Variants in DAB1 observed in about 807,000 individuals in gnomAD.
DAB1 encodes DAB adaptor protein 1.
A neutral mutation model predicts 64.6 loss-of-function variants in DAB1; 15 were observed. The observed-to-expected ratio is 0.23, with a 90% CI of 0.16 to 0.36. The LOEUF (loss-of-function observed/expected upper bound fraction) is 0.36. Ranked by LOEUF, DAB1 falls within the 10% of genes least tolerant of loss-of-function variation. The pLI, the probability that DAB1 is intolerant of heterozygous loss-of-function variation, is 1.00. For synonymous variants in DAB1, 235 were observed against 251.9 expected, an observed-to-expected ratio of 0.93 and a Z score of 0.64; for missense variants, 596 against 706.7, an observed-to-expected ratio of 0.84 and a Z score of 1.78.
At chr1:57,546,989 C>T (rs540296889) in intron 7 of DAB1, among the ~76,000 whole-genome samples, 9 of 151,534 alleles carry the variant, frequency 5.9e-5, no homozygotes, top group Admixed American at 3.3e-4. Context: ...GCATATTAAT[C>T]GTATTTTTTT....
chr1:57,511,271 C>T (rs1644402261), intron 7 of DAB1, among the ~76,000 whole-genome samples: 1 of 152,136 alleles, frequency 6.6e-6, no homozygotes, highest in African/African-American at 2.4e-5. Flanking sequence ...AAAACAAAAA[C>T]AAGCTTCTGT....
chr1:57,696,072 CTT>C (rs1342128059), intron 6 of DAB1, among the ~76,000 whole-genome samples: 1 of 152,156 alleles, frequency 6.6e-6, no homozygotes, highest in Non-Finnish European at 1.5e-5. Flanking sequence ...ACTCAGAAGT[CTT>C]TTTTTCCTCC....
At chr1:57,145,975 T>C (rs1345455489) in intron 2 of DAB1, among the ~76,000 whole-genome samples, 1 of 152,232 alleles carries the variant, frequency 6.6e-6, no homozygotes, top group Non-Finnish European at 1.5e-5. Flanking sequence ...ATGACATCTC[T>C]TCTGGTAAGT....
chr1:57,771,648 A>C (rs1027040521), intron 6 of DAB1, among the ~76,000 whole-genome samples: 3 of 152,104 alleles, frequency 2.0e-5, no homozygotes, highest in African/African-American at 7.2e-5. Flanking sequence ...ATGTTTTGGC[A>C]AATTCGTACA....
chr1:57,610,637 AACTT>A (rs780836005), intron 7 of DAB1, among the ~76,000 whole-genome samples: 2 of 152,208 alleles, frequency 1.3e-5, no homozygotes, highest in Non-Finnish European at 2.9e-5. Context: ...GGCCTCAGGA[AACTT>A]ACAATCATGG....
At chr1:57,349,307 T>G (rs778348156) in intron 1 of DAB1, among the ~76,000 whole-genome samples, 12 of 152,212 alleles carry the variant, frequency 7.9e-5, no homozygotes, top group Non-Finnish European at 1.3e-4. Flanking sequence ...CTCTTTAACC[T>G]TGCTTTTGTA....
rs926844844 is a variant in DAB1, at chr1:57,510,906, G to A, written n.625+138686C>T. Among the ~76,000 whole-genome samples the A allele has an allele frequency of 6.6e-5, 10 of 152,244 alleles. No homozygotes were observed. In the South Asian group the frequency reaches 1.2e-3, roughly 19 times the overall value. On this transcript the variant is annotated intron_variant and non_coding_transcript_variant, in intron 7 of 20. Coordinates refer to the DAB1 transcript ENST00000485760. ...CAATGCTCCTGCCTCAGCCTCCCAA[G>A]TAGCTGGGATTACAGGCATGAGCCA...
chr1:58,366,917 A>C (rs1644223055), intron 3 of DAB1, among the ~76,000 whole-genome samples: 1 of 152,218 alleles, frequency 6.6e-6, no homozygotes, highest in Non-Finnish European at 1.5e-5. Context: ...AGTACACATT[A>C]ATTGGTCATA....
chr1:57,945,543 G>T (rs1052104043), intron 5 of DAB1, among the ~76,000 whole-genome samples: 5 of 151,822 alleles, frequency 3.3e-5, no homozygotes, highest in African/African-American at 9.7e-5. Flanking sequence ...GCTTCCCAAA[G>T]TGCTGAAATT....
At position 57,934,855 on chromosome 1, in the gene DAB1, G is replaced by A. The variant is rs538467090; in HGVS notation, n.388-50693C>T. On this transcript the variant is annotated intron_variant and non_coding_transcript_variant, in intron 5 of 20. Transcript: ENST00000485760. ...TCAAGACTCTTTAAAGTTTCCTTCT[G>A]AGCGAACTGTAAGACAGAGGTACGA... 5.0e-4 allele frequency among the ~76,000 whole-genome samples: 76 copies of A among 152,288 alleles called. 1 individual carries two copies. The highest frequency in any genetic ancestry group is 1.8e-3 in the African/African-American group (73 of 41,550).
rs144046996 is a variant in DAB1 at position 57,939,704 on chromosome 1, C to A, written n.388-55542G>T. 6.2e-4 allele frequency among the ~76,000 whole-genome samples: 94 copies of A among 152,244 alleles called. 1 individual carries two copies. The highest frequency in any genetic ancestry group is 3.4e-3 in the Middle Eastern group (1 of 294). On this transcript the variant is annotated intron_variant and non_coding_transcript_variant, in intron 5 of 20. Transcript: ENST00000485760. ...CTGCAAGCTTCTTGAGGATGTTGAA[C>A]AAATTTGTGCCATTCTCCACAAAGC...
chr1:57,857,766 G>T (rs1232763048), intron 1 of DAB1, among the ~76,000 whole-genome samples: 1 of 149,440 alleles, frequency 6.7e-6, no homozygotes, highest in Admixed American at 6.7e-5. Flanking sequence ...AAATGTTTAA[G>T]ATGTGACAAA....
At chr1:58,234,552 G>A (rs905572452) in intron 4 of DAB1, among the ~76,000 whole-genome samples, 1 of 152,194 alleles carries the variant, frequency 6.6e-6, no homozygotes, top group Non-Finnish European at 1.5e-5. Context: ...GAAGGAGTGG[G>A]CCCTCCTCCT....
chr1:57,252,959 T>C (rs562289244), intron 2 of DAB1, among the ~76,000 whole-genome samples: 1 of 152,294 alleles, frequency 6.6e-6, no homozygotes, highest in Non-Finnish European at 1.5e-5. Context: ...TCAAGTCTGA[T>C]GGGAGAAAGA....
At chr1:57,999,091 G>A (rs1161961215) in intron 5 of DAB1, among the ~76,000 whole-genome samples, 1 of 152,124 alleles carries the variant, frequency 6.6e-6, no homozygotes, top group Non-Finnish European at 1.5e-5. Context: ...TTTAATCCTC[G>A]CTGTTCCTGC....
intron 14 of DAB1, 148 bp from the exon 15 acceptor site, chr1:56,998,276 G>A (rs1253436432): frequency 6.6e-6 from 1 of 152,436 alleles, no homozygotes; most frequent in African/African-American, 2.4e-5. Context: ...ATTTGATCAG[G>A]GTGCATAACA....
At chr1:58,373,432 T>C (rs1195906321) in intron 3 of DAB1, among the ~76,000 whole-genome samples, 2 of 150,058 alleles carry the variant, frequency 1.3e-5, no homozygotes, top group South Asian at 2.2e-4. Flanking sequence ...GTTTGGTTTT[T>C]TGTTCTTGCA....
chr1:57,978,823 C>T (rs759053209), intron 5 of DAB1, among the ~76,000 whole-genome samples: 3 of 152,164 alleles, frequency 2.0e-5, no homozygotes, highest in Non-Finnish European at 4.4e-5. Flanking sequence ...AAATGCTCAT[C>T]ATCACTGGTC....
chr1:57,860,251 C>A (rs1048446204), intron 1 of DAB1, among the ~76,000 whole-genome samples: 3 of 152,134 alleles, frequency 2.0e-5, no homozygotes, highest in Non-Finnish European at 4.4e-5. Flanking sequence ...ATTATCCTTT[C>A]CATCATATAT....
Sources: allele counts gnomAD v4.1 joint callset (sites outside exome capture counted in the v4.1 genomes callset), GRCh38; gene constraint gnomAD v4.1.1; transcripts MANE v1.5; gene names NCBI Gene and HGNC (gene_info 2026-07-23, HGNC 2026-07-21).